The following DENND1A variants were observed in gnomAD, a reference collection of about 807,000 sequenced individuals.
DENND1A encodes DENN domain-containing protein 1A.
A neutral mutation model predicts 113.7 loss-of-function variants in DENND1A; 51 were observed. The observed-to-expected ratio is 0.45, with a 90% CI of 0.36 to 0.57. The LOEUF (loss-of-function observed/expected upper bound fraction) is 0.57. Ranked by LOEUF, DENND1A falls within the 20% of genes least tolerant of loss-of-function variation. DENND1A has a pLI of 0.00. For missense variants in DENND1A, 1,258 were observed against 1,395.9 expected, an observed-to-expected ratio of 0.90 and a Z score of 1.57; for synonymous variants, 565 against 570.8, an observed-to-expected ratio of 0.99 and a Z score of 0.14.
In DENND1A at chr9:123,676,719, C is replaced by T; in HGVS notation, c.372+1G>A. On this transcript the variant is annotated splice_donor_variant, in intron 6 of 23. Coordinates refer to ENST00000394215, the MANE Select transcript of DENND1A (RefSeq NM_001352964.2). LOFTEE classifies it high-confidence loss of function. Reference sequence around the variant, plus strand: ...AAGAATTATTTTAAAAAGGTAAATACCTGTCTTTTTGTCGTGTAATCTGCC... The same window carrying T: ...AAGAATTATTTTAAAAAGGTAAATATCTGTCTTTTTGTCGTGTAATCTGCC... 6.2e-7 allele frequency: 1 copy of T among 1,613,052 alleles called. No homozygotes were observed. Among genetic ancestry groups the T allele is most frequent in the Non-Finnish European group, 8.5e-7 (1 of 1,179,314 alleles).
chr9:123,657,464 G>A (rs929947623), intron 8 of DENND1A, among the ~76,000 whole-genome samples: 7 of 152,070 alleles, frequency 4.6e-5, no homozygotes, highest in East Asian at 1.9e-4. Flanking sequence ...GAGAGAAAGC[G>A]TCTTAGGTTC....
At chr9:123,819,947 A>G (rs559237599) in intron 2 of DENND1A, among the ~76,000 whole-genome samples, 113 of 152,256 alleles carry the variant, frequency 7.4e-4, no homozygotes, top group Non-Finnish European at 1.3e-3. Flanking sequence ...AAATAAATGC[A>G]TATCAATCAT....
intron 1 of DENND1A, among the ~76,000 whole-genome samples, chr9:123,909,091 C>T (rs1255998482): frequency 3.3e-5 from 5 of 151,874 alleles, no homozygotes; most frequent in Admixed American, 6.6e-5. Flanking sequence ...AGTAAACTAT[C>T]GCAAGAACAA....
intron 13 of DENND1A, among the ~76,000 whole-genome samples, chr9:123,539,247 C>G (rs1190508459): frequency 1.3e-5 from 2 of 152,006 alleles, no homozygotes; most frequent in Non-Finnish European, 2.9e-5. Flanking sequence ...TGTCAATTAG[C>G]AGGAAATACA....
At chr9:123,436,282 A>G (rs888082380) in intron 19 of DENND1A, among the ~76,000 whole-genome samples, 2 of 152,218 alleles carry the variant, frequency 1.3e-5, no homozygotes, top group African/African-American at 4.8e-5. Flanking sequence ...CAGCCAGGGC[A>G]ACGCCCTCCC....
intron 12 of DENND1A, among the ~76,000 whole-genome samples, chr9:123,566,892 C>T (rs2058080688): frequency 6.9e-6 from 1 of 145,470 alleles, no homozygotes; most frequent in Non-Finnish European, 1.5e-5. Context: ...TTTCCTTATA[C>T]AACAATTTAG....
At chr9:123,735,450 C>T (rs987318801) in intron 5 of DENND1A, among the ~76,000 whole-genome samples, 1 of 152,186 alleles carries the variant, frequency 6.6e-6, no homozygotes, top group African/African-American at 2.4e-5. Flanking sequence ...CTCCACAGCT[C>T]ACACTCTCTG....
chr9:123,901,558 T>C (rs1296085941), intron 1 of DENND1A, among the ~76,000 whole-genome samples: 1 of 152,174 alleles, frequency 6.6e-6, no homozygotes, highest in East Asian at 1.9e-4. Context: ...AGCAATCATT[T>C]ATTTCCCTAG....
intron 2 of DENND1A, among the ~76,000 whole-genome samples, chr9:123,801,210 G>T (rs1247770306): frequency 6.6e-6 from 1 of 152,166 alleles, no homozygotes; most frequent in Non-Finnish European, 1.5e-5. Flanking sequence ...ACCATGTTGT[G>T]ACATTGAGTA....
intron 9 of DENND1A, among the ~76,000 whole-genome samples, chr9:123,644,461 C>T (rs2062202345): frequency 6.8e-6 from 1 of 147,926 alleles, no homozygotes; most frequent in Non-Finnish European, 1.5e-5. Context: ...CACCTAGCTC[C>T]ACTAGTTACC....
chr9:123,800,924 G>A (rs745604832), intron 2 of DENND1A, among the ~76,000 whole-genome samples: 11 of 152,068 alleles, frequency 7.2e-5, no homozygotes, highest in African/African-American at 1.7e-4. Flanking sequence ...TGTTCTCATC[G>A]TGTGTTCTAA....
At chr9:123,532,362 A>G (rs1255007684) in intron 13 of DENND1A, among the ~76,000 whole-genome samples, 1 of 152,240 alleles carries the variant, frequency 6.6e-6, no homozygotes, top group African/African-American at 2.4e-5. Flanking sequence ...TTATACCAAA[A>G]GAAAATCCTG....
intron 13 of DENND1A, among the ~76,000 whole-genome samples, chr9:123,538,637 A>G (rs1385145154): frequency 6.6e-6 from 1 of 151,376 alleles, no homozygotes; most frequent in Non-Finnish European, 1.5e-5. Context: ...TGAGTTTAAT[A>G]AAATAATTAT....
At chr9:123,711,486 A>AAAAAAT (rs1318894625) in intron 5 of DENND1A, among the ~76,000 whole-genome samples, 1 of 101,790 alleles carries the variant, frequency 9.8e-6, no homozygotes. Context: ...TAAATTAAAA[A>AAAAAAT]ATATATATAT....
At chr9:123,528,575 C>A (rs531426438) in intron 13 of DENND1A, among the ~76,000 whole-genome samples, 1 of 152,164 alleles carries the variant, frequency 6.6e-6, no homozygotes, top group East Asian at 1.9e-4. Context: ...TCACTCATTT[C>A]CACTGATCAG....
At chr9:123,617,751 C>T (rs1458079758) in intron 10 of DENND1A, among the ~76,000 whole-genome samples, 3 of 152,010 alleles carry the variant, frequency 2.0e-5, no homozygotes, top group Non-Finnish European at 4.4e-5. Context: ...TCTGCTGCCA[C>T]AGAGAATTCA....
intron 4 of DENND1A, among the ~76,000 whole-genome samples, chr9:123,760,904 A>T (rs998969964): frequency 2.0e-5 from 3 of 152,214 alleles, no homozygotes; most frequent in Non-Finnish European, 2.9e-5. Flanking sequence ...TTTAAGAAAC[A>T]CTACTACGTG....
intron 5 of DENND1A, among the ~76,000 whole-genome samples, chr9:123,690,391 A>G (rs1446798581): frequency 6.6e-6 from 1 of 152,228 alleles, no homozygotes; most frequent in African/African-American, 2.4e-5. Flanking sequence ...ACTGTTATTC[A>G]TAATTGAAAA....
chr9:123,879,498 A>G (rs1054128064), intron 1 of DENND1A, among the ~76,000 whole-genome samples: 2 of 152,126 alleles, frequency 1.3e-5, no homozygotes, highest in Non-Finnish European at 2.9e-5. Flanking sequence ...ACGCTACTGC[A>G]CTCCAGCCTG....
Sources: allele counts gnomAD v4.1 joint callset (sites outside exome capture counted in the v4.1 genomes callset), GRCh38; gene constraint gnomAD v4.1.1; transcripts MANE v1.5; gene names NCBI Gene and HGNC (gene_info 2026-07-23, HGNC 2026-07-21).